Variants in STXBP2 observed in about 807,000 individuals in gnomAD.
STXBP2 encodes the protein syntaxin-binding protein 2.
A neutral mutation model predicts 72.2 loss-of-function variants in STXBP2; 47 were observed. The observed-to-expected ratio is 0.65, with a 90% CI of 0.51 to 0.83. The LOEUF (loss-of-function observed/expected upper bound fraction) is 0.83, where lower values mean the gene tolerates loss of function less well. Ranked by LOEUF, STXBP2 falls within the 40% of genes least tolerant of loss-of-function variation. The probability of loss-of-function intolerance (pLI) is 0.00; values close to 1 mark genes in which losing one functional copy is unlikely to be tolerated. For synonymous variants in STXBP2, 367 were observed against 338.7 expected, an observed-to-expected ratio of 1.08 and a Z score of -0.92; for missense variants, 702 against 807.6, an observed-to-expected ratio of 0.87 and a Z score of 1.58.
chr19:7,646,922 A>G, intron 16 of STXBP2: 1 of 590,668 alleles, frequency 1.7e-6, no homozygotes, highest in South Asian at 2.0e-5. Context: ...GTGGGTTTAG[A>G]CTTCTGGGTA....
In STXBP2 at chr19:7,637,173, G is replaced by T; in HGVS notation, c.24G>T (p.Ala8=). 1 of 1,243,190 alleles carries T rather than the reference G, an allele frequency of 8.0e-7. No homozygotes were observed. Among genetic ancestry groups the T allele is most frequent in the East Asian group, 3.2e-5 (1 of 31,694 alleles). 77.0% of individuals were successfully genotyped at this position (1,243,190 alleles called of 1,614,324 possible). ...AGATGGCGCCCTCGGGGCTGAAGGCGGTGGTGGGGGAAAGTGAGTGCCTCT... is the reference window on the plus strand; with the variant it reads ...AGATGGCGCCCTCGGGGCTGAAGGCTGTGGTGGGGGAAAGTGAGTGCCTCT... MAPSGLK[A]VVGEKILSGV... The change falls in exon 1 of 19, where the codon GCG becomes GCT. Residue 8 remains alanine, a synonymous_variant. Coordinates refer to ENST00000221283, the MANE Select transcript of STXBP2 (RefSeq NM_006949.4).
upstream of STXBP2, chr19:7,632,017 C>T: frequency 2.0e-6 from 1 of 498,712 alleles, no homozygotes. This position sits in a 1 kb window ranked among gnomAD's most constrained non-coding sequence, Gnocchi z 5.2. Context: ...TTGATCAGAA[C>T]CCAAGCTTCG....
intron 1 of STXBP2, among the ~76,000 whole-genome samples, chr19:7,637,393 G>T (rs530427423): frequency 6.6e-6 from 1 of 152,134 alleles, no homozygotes; most frequent in South Asian, 2.1e-4. Context: ...CAAAATTGGG[G>T]GGCCGGACTC....
intron 1 of STXBP2, among the ~76,000 whole-genome samples, chr19:7,637,559 C>T (rs1484481836): frequency 2.0e-5 from 3 of 152,036 alleles, no homozygotes. Context: ...TTCTTGGGGC[C>T]TCCTAGGGCT....
the STXBP2 span, chr19:7,630,089 G>T: frequency 1.9e-6 from 1 of 525,672 alleles, no homozygotes; most frequent in East Asian, 3.2e-5. Context: ...CTGGTCCGAG[G>T]AAGGACCTCA....
intron 14 of STXBP2, 179 bp from the exon 15 acceptor site, chr19:7,645,018 C>T: frequency 6.9e-7 from 1 of 1,448,188 alleles, no homozygotes. Flanking sequence ...TGGAGGAGCC[C>T]CTGATCTACC....
chr19:7,640,414 A>G (rs779575281), intron 4 of STXBP2: 110 of 608,608 alleles, frequency 1.8e-4, no homozygotes, highest in Non-Finnish European at 6.1e-5. Context: ...GTGTGTATGT[A>G]TGTGTGCGCG....
chr19:7,639,083 TGGCTGAG>T lies in STXBP2; in HGVS notation c.156_162del (p.Glu53SerfsTer23). 3 of 1,614,216 alleles carry T rather than the reference TGGCTGAG, an allele frequency of 1.9e-6. No homozygotes were observed. The highest frequency in any genetic ancestry group is 2.5e-6 in the Non-Finnish European group (3 of 1,180,044). ...TCCTGCTGCAAAATGTCAGATATCC[TGGCTGAG>T]GGCATCACCAGTGAGTGAACGCGTC... On this transcript the variant is annotated frameshift_variant, in exon 3 of 19. Coordinates refer to ENST00000221283, the MANE Select transcript of STXBP2 (RefSeq NM_006949.4). LOFTEE classifies it high-confidence loss of function.
Position 7,641,015 on chromosome 19 carries a change from G to A in STXBP2, c.429+12G>A, listed in dbSNP as rs1568466408. The A allele has an allele frequency of 1.9e-6, 3 of 1,613,822 alleles. No homozygotes were observed. The highest frequency in any genetic ancestry group is 2.5e-6 in the Non-Finnish European group (3 of 1,179,856). On this transcript the variant is annotated intron_variant, in intron 6 of 18. Transcript: ENST00000221283. Reference sequence around the variant, plus strand: ...CCTACGAGGCCCAGGTACGGCCCGGGCTCATCCTGGGCAGGGGGTGGGGGT... The same window carrying A: ...CCTACGAGGCCCAGGTACGGCCCGGACTCATCCTGGGCAGGGGGTGGGGGT...
upstream of STXBP2, chr19:7,632,549 C>A (rs1190184550): frequency 6.2e-7 from 1 of 1,609,016 alleles, no homozygotes; most frequent in Admixed American, 1.7e-5. The surrounding 1 kb of genome is among the most constrained non-coding windows in gnomAD (Gnocchi z 5.2). Flanking sequence ...TGGGAGGACA[C>A]AGCCGGAGTG....
intron 16 of STXBP2, chr19:7,646,730 C>T (rs1298186593): frequency 7.8e-6 from 3 of 385,466 alleles, no homozygotes; most frequent in African/African-American, 6.2e-5. Flanking sequence ...AGAGCCCCGG[C>T]CCCTCTTTCT....
chr19:7,631,167 C>G, the STXBP2 span: 2 of 1,142,460 alleles, frequency 1.8e-6, no homozygotes, highest in Non-Finnish European at 2.4e-6. Context: ...CAAGATCACG[C>G]CACTGCACTC....
At chr19:7,638,989 C>T (rs376719672) in intron 2 of STXBP2, 30 bp from the exon 3 acceptor site, 25 of 1,613,392 alleles carry the variant, frequency 1.5e-5, no homozygotes, top group Non-Finnish European at 2.0e-5. Context: ...CCGCCTGCTC[C>T]TCCATCCATC....
chr19:7,634,406 A>G (rs4804758), upstream of STXBP2, among the ~76,000 whole-genome samples: 44,386 of 152,190 alleles, frequency 0.29, 7,164 homozygotes, highest in Non-Finnish European at 0.37. Flanking sequence ...GTTCCACAAA[A>G]GGCCAAGTTC....
intron 16 of STXBP2, chr19:7,646,673 T>C: frequency 2.3e-6 from 1 of 436,816 alleles, no homozygotes; most frequent in Non-Finnish European, 4.2e-6. Flanking sequence ...CACCATCCAA[T>C]GGCAATGGGC....
intron 6 of STXBP2, 133 bp downstream of exon 6, chr19:7,641,136 A>G (rs2031858247): frequency 1.1e-6 from 1 of 936,166 alleles, no homozygotes; most frequent in African/African-American, 1.6e-5. Context: ...AGGCCAGGGC[A>G]GGAGGATCAC....
In STXBP2 at chr19:7,642,948, C is replaced by T. The variant is rs372583367; in HGVS notation, c.961-35C>T. On this transcript the variant is annotated intron_variant, in intron 11 of 18. Coordinates refer to ENST00000221283, the MANE Select transcript of STXBP2 (RefSeq NM_006949.4). This position sits in a 1 kb window ranked among gnomAD's most constrained non-coding sequence, Gnocchi z 6.0. Reference sequence around the variant, plus strand: ...CAGGTGGGCACTGCCTGGCTTCGCCCCCCAATCCCTACCCTCTTCCCCCTA... The same window carrying T: ...CAGGTGGGCACTGCCTGGCTTCGCCTCCCAATCCCTACCCTCTTCCCCCTA... 1 of 1,613,860 alleles carries T rather than the reference C, an allele frequency of 6.2e-7. No individual in the cohort carries two copies.
upstream of STXBP2, among the ~76,000 whole-genome samples, chr19:7,634,572 T>G (rs4804759): frequency 6.6e-6 from 1 of 152,290 alleles, no homozygotes; most frequent in East Asian, 1.9e-4. Flanking sequence ...GTCTCACTAT[T>G]TTGCCCAGGC....
rs563752738 is a variant in STXBP2, at chr19:7,640,311, T to TGC, written c.247-419_247-418dup. 5.5e-4 allele frequency: 306 copies of TGC among 556,924 alleles called. 1 individual carries two copies. The highest frequency in any genetic ancestry group is 5.1e-3 in the African/African-American group (272 of 53,260). The allele number at this position is 556,924 out of a possible 1,614,324, so 34.5% of individuals were successfully genotyped here. A position where few individuals can be genotyped will look rare whatever the true frequency, so the allele number is the denominator to read the frequency against. On this transcript the variant is annotated intron_variant, in intron 4 of 18. Transcript: ENST00000221283. ...GTGTGCATGTGTCTATGTATGTGTG[T>TGC]GCATCTGTGTGTGCGTGTGTATGCG...
Sources: allele counts gnomAD v4.1 joint callset (sites outside exome capture counted in the v4.1 genomes callset), GRCh38; gene constraint gnomAD v4.1.1; non-coding constraint Gnocchi (gnomAD v3.1); transcripts MANE v1.5; gene names NCBI Gene and HGNC (gene_info 2026-07-23, HGNC 2026-07-21).